The following AFF3 variants were observed in gnomAD, a reference collection of about 807,000 sequenced individuals.
AFF3 encodes ALF transcription elongation factor 3.
AFF3 carries 32 observed loss-of-function variants against 129.7 expected under a neutral mutation model. The ratio of observed to expected loss-of-function variants is 0.25; its 90% CI spans 0.19 to 0.33. The LOEUF (loss-of-function observed/expected upper bound fraction) is 0.33, where lower values mean the gene tolerates loss of function less well. Ranked by LOEUF, AFF3 falls within the 10% of genes least tolerant of loss-of-function variation. The pLI is 1.00. For missense variants in AFF3, 1,373 were observed against 1,592.0 expected (o/e 0.86, Z 2.34); for synonymous variants, 644 against 635.4 (o/e 1.01, Z -0.20).
intron 10 of AFF3, among the ~76,000 whole-genome samples, chr2:99,738,753 T>A (rs1680461194): frequency 6.6e-6 from 1 of 152,148 alleles, no homozygotes; most frequent in Admixed American, 6.5e-5. Flanking sequence ...GGTATGCTGA[T>A]GTGAAGGATT....
intron 11 of AFF3, among the ~76,000 whole-genome samples, chr2:99,714,637 T>A (rs1361676689): frequency 1.3e-5 from 2 of 152,174 alleles, no homozygotes; most frequent in East Asian, 3.8e-4. Context: ...GTTTCAAGTT[T>A]CTCTGGAAAA....
chr2:99,978,992 G>A (rs893444265), intron 7 of AFF3, among the ~76,000 whole-genome samples: 1 of 132,238 alleles, frequency 7.6e-6, no homozygotes, highest in Non-Finnish European at 1.8e-5. Context: ...AAAGGCAGGT[G>A]GTGGAAGGAC....
intron 7 of AFF3, among the ~76,000 whole-genome samples, chr2:99,913,018 C>A (rs1213459874): frequency 6.6e-6 from 1 of 152,142 alleles, no homozygotes; most frequent in Non-Finnish European, 1.5e-5. Flanking sequence ...TCCATCAGAG[C>A]CTAGACTCAC....
Position 99,551,304 on chromosome 2 carries a change from T to C in AFF3, c.*170A>G, listed in dbSNP as rs1674389012. The C allele has an allele frequency of 3.3e-6, 3 of 911,698 alleles. No individual in the cohort carries two copies. Among genetic ancestry groups the C allele is most frequent in the Non-Finnish European group, 4.8e-6 (3 of 618,732 alleles). 56.5% of individuals were successfully genotyped at this position (911,698 alleles called of 1,614,324 possible). On this transcript the variant is annotated 3_prime_UTR_variant, in exon 25 of 25. Coordinates refer to ENST00000672756, the MANE Select transcript of AFF3 (RefSeq NM_001386135.1). ...ACACATACACAGGCGGCTTCTTATATACCCACACATACAAACACACATGCC... is the reference window on the plus strand; with the variant it reads ...ACACATACACAGGCGGCTTCTTATACACCCACACATACAAACACACATGCC...
chr2:99,674,082 G>A (rs1687405529), intron 11 of AFF3, among the ~76,000 whole-genome samples: 1 of 152,170 alleles, frequency 6.6e-6, no homozygotes, highest in Non-Finnish European at 1.5e-5. Flanking sequence ...ACTATTTAAG[G>A]CATTGCCATC....
chr2:99,905,411 C>T (rs536272556), intron 7 of AFF3, among the ~76,000 whole-genome samples: 13 of 152,220 alleles, frequency 8.5e-5, no homozygotes, highest in Non-Finnish European at 1.5e-4. Flanking sequence ...ATTCTCAGTC[C>T]GAATACTTTT....
intron 7 of AFF3, among the ~76,000 whole-genome samples, chr2:99,995,875 A>T (rs1390058535): frequency 1.2e-4 from 19 of 152,240 alleles, no homozygotes; most frequent in Admixed American, 1.2e-3. Context: ...CTCAATGAGA[A>T]AAAATATATA....
intron 18 of AFF3, among the ~76,000 whole-genome samples, chr2:99,574,706 A>T (rs1015070221): frequency 4.6e-5 from 7 of 152,214 alleles, no homozygotes; most frequent in Non-Finnish European, 5.9e-5. Context: ...TTACTTTTTT[A>T]AAAAAGCTGC....
chr2:100,076,641 A>G (rs1688611510), intron 4 of AFF3, among the ~76,000 whole-genome samples: 1 of 152,214 alleles, frequency 6.6e-6, no homozygotes, highest in Admixed American at 6.5e-5. Context: ...ATTCGAGCTG[A>G]TAAAACTGCC....
intron 11 of AFF3, among the ~76,000 whole-genome samples, chr2:99,703,328 C>A (rs1236128754): frequency 6.6e-6 from 1 of 152,188 alleles, no homozygotes; most frequent in African/African-American, 2.4e-5. Flanking sequence ...GTAACACAAT[C>A]ACAGGTTTTG....
intron 9 of AFF3, among the ~76,000 whole-genome samples, chr2:99,747,977 T>G (rs1345369966): frequency 1.3e-5 from 2 of 152,076 alleles, no homozygotes; most frequent in Non-Finnish European, 2.9e-5. Context: ...GTCAGCTACC[T>G]TACCAGGCCA....
intron 16 of AFF3, among the ~76,000 whole-genome samples, chr2:99,586,416 T>G (rs1467601138): frequency 2.0e-5 from 3 of 152,190 alleles, no homozygotes; most frequent in Non-Finnish European, 4.4e-5. Context: ...TCCTAACCTT[T>G]CAGTTTACAT....
At chr2:99,904,322 T>C (rs1694557682) in intron 7 of AFF3, among the ~76,000 whole-genome samples, 1 of 151,800 alleles carries the variant, frequency 6.6e-6, no homozygotes, top group Non-Finnish European at 1.5e-5. Flanking sequence ...ATGCACATCC[T>C]CCCATTAAAT....
intron 7 of AFF3, among the ~76,000 whole-genome samples, chr2:99,946,595 C>T (rs890887835): frequency 6.7e-6 from 1 of 149,970 alleles, no homozygotes; most frequent in Non-Finnish European, 1.5e-5. Flanking sequence ...TACCCCCAAA[C>T]TCAGACATGG....
chr2:100,129,177 C>T (rs1692318019), intron 2 of AFF3, 47 bp downstream of exon 2: 1 of 152,190 alleles, frequency 6.6e-6, no homozygotes, highest in South Asian at 2.1e-4. Context: ...CCCCTCGAAT[C>T]ATAGGAAACT....
intron 7 of AFF3, among the ~76,000 whole-genome samples, chr2:99,852,513 A>C (rs1475734595): frequency 1.3e-5 from 2 of 152,178 alleles, no homozygotes; most frequent in Non-Finnish European, 2.9e-5. Flanking sequence ...TCTAGTTTCT[A>C]GAAAGTCACT....
intron 13 of AFF3, among the ~76,000 whole-genome samples, chr2:99,648,938 C>CTCTCT (rs56856050): frequency 2.7e-5 from 4 of 146,590 alleles, no homozygotes; most frequent in Non-Finnish European, 4.5e-5. Flanking sequence ...CTCTCTCTCT[C>CTCTCT]CAATCTTAGT....
At chr2:99,907,760 T>A (rs1694818199) in intron 7 of AFF3, among the ~76,000 whole-genome samples, 1 of 152,082 alleles carries the variant, frequency 6.6e-6, no homozygotes, top group South Asian at 2.1e-4. Flanking sequence ...CACCTCAGTC[T>A]CTCGATTGCA....
At chr2:99,833,089 G>C (rs1372871802) in intron 8 of AFF3, among the ~76,000 whole-genome samples, 1 of 152,148 alleles carries the variant, frequency 6.6e-6, no homozygotes, top group Non-Finnish European at 1.5e-5. Flanking sequence ...TGGCAAGTAT[G>C]TTTTCATTTG....
Sources: allele counts gnomAD v4.1 joint callset (sites outside exome capture counted in the v4.1 genomes callset), GRCh38; gene constraint gnomAD v4.1.1; transcripts MANE v1.5; gene names NCBI Gene and HGNC (gene_info 2026-07-23, HGNC 2026-07-21).